TENM2: variants seen among roughly 807,000 people sequenced by gnomAD.
TENM2 encodes teneurin transmembrane protein 2, also known as teneurin-2.
Under a neutral mutation model 245.2 loss-of-function variants are expected in TENM2, and 52 were observed. The observed-to-expected ratio is 0.21, with a 90% confidence interval of 0.17 to 0.27. TENM2 has a LOEUF of 0.27. TENM2 is among the 10% of genes least tolerant of loss of function. The pLI, the probability that TENM2 is intolerant of heterozygous loss-of-function variation, is 1.00. For synonymous variants in TENM2, 1,363 were observed against 1,438.9 expected (o/e 0.95, Z 1.19); for missense variants, 3,046 against 3,666.8 (o/e 0.83, Z 4.37).
intron 9 of TENM2, among the ~76,000 whole-genome samples, chr5:168,101,130 G>C (rs1219316530): frequency 6.6e-6 from 1 of 152,008 alleles, no homozygotes; most frequent in Admixed American, 6.5e-5. Flanking sequence ...GGAGCAAGGA[G>C]AACAGAGAAC....
chr5:167,384,098 A>G (rs986731492), intron 2 of TENM2, among the ~76,000 whole-genome samples: 2 of 152,206 alleles, frequency 1.3e-5, no homozygotes, highest in Non-Finnish European at 2.9e-5. Context: ...ATGTTATAGT[A>G]AAATTTGTAT....
intron 2 of TENM2, among the ~76,000 whole-genome samples, chr5:167,439,269 C>T (rs564030722): frequency 1.3e-5 from 2 of 152,272 alleles, no homozygotes; most frequent in South Asian, 2.1e-4. Context: ...TCATTGGACA[C>T]TGCTCTGGAT....
At chr5:168,108,238 A>G (rs1794408178) in intron 9 of TENM2, among the ~76,000 whole-genome samples, 1 of 152,248 alleles carries the variant, frequency 6.6e-6, no homozygotes, top group African/African-American at 2.4e-5. Context: ...AGAATGAAAG[A>G]AAAGTTTACA....
the TENM2 span, among the ~76,000 whole-genome samples, chr5:167,211,136 T>G: frequency 6.6e-6 from 1 of 152,214 alleles, no homozygotes; most frequent in African/African-American, 2.4e-5. Flanking sequence ...TCACCTGATT[T>G]ATTCTTCAAA....
chr5:167,227,776 C>G, the TENM2 span, among the ~76,000 whole-genome samples: 1 of 152,160 alleles, frequency 6.6e-6, no homozygotes, highest in Admixed American at 6.5e-5. Context: ...TCTGAGCCTG[C>G]TGTATCTGGA....
chr5:166,987,423 GTGT>G, the TENM2 span, among the ~76,000 whole-genome samples: 72 of 39,944 alleles, frequency 1.8e-3, no homozygotes, highest in East Asian at 6.8e-3. Flanking sequence ...TAGTAAGGGT[GTGT>G]GTGTGTGTGT....
chr5:167,807,124 TAAAAAAAAAA>T (rs1178739925), intron 2 of TENM2, among the ~76,000 whole-genome samples: 582 of 49,086 alleles, frequency 0.012, 7 homozygotes, highest in African/African-American at 0.043. Flanking sequence ...GCCCCTAGGT[TAAAAAAAAAA>T]AAAAAAAAAA....
chr5:168,229,049 A>G (rs1764568378), intron 25 of TENM2, among the ~76,000 whole-genome samples: 1 of 148,094 alleles, frequency 6.8e-6, no homozygotes, highest in Non-Finnish European at 1.5e-5. Flanking sequence ...ATATAATTAC[A>G]TATATAATTA....
chr5:167,134,248 A>G, the TENM2 span, among the ~76,000 whole-genome samples: 1 of 152,216 alleles, frequency 6.6e-6, no homozygotes, highest in Non-Finnish European at 1.5e-5. Flanking sequence ...TGAAACTTAA[A>G]AAGAAACTGT....
At chr5:168,115,642 C>T (rs1581354703) in intron 9 of TENM2, among the ~76,000 whole-genome samples, 1 of 152,098 alleles carries the variant, frequency 6.6e-6, no homozygotes, top group Admixed American at 6.5e-5. Context: ...CCCTTGGAAG[C>T]TCATTTAAAT....
intron 2 of TENM2, among the ~76,000 whole-genome samples, chr5:167,385,332 T>C (rs1761352356): frequency 1.3e-5 from 2 of 151,796 alleles, no homozygotes; most frequent in Non-Finnish European, 2.9e-5. Flanking sequence ...TCTTTTATAT[T>C]TTTATCTCTC....
chr5:167,056,331 CA>C, the TENM2 span, among the ~76,000 whole-genome samples: 28 of 151,068 alleles, frequency 1.9e-4, no homozygotes, highest in African/African-American at 4.9e-4. Context: ...CACAGGGTAC[CA>C]AATTCTCAGG....
chr5:168,158,349 A>G (rs1757376141), intron 12 of TENM2, among the ~76,000 whole-genome samples: 1 of 152,104 alleles, frequency 6.6e-6, no homozygotes, highest in South Asian at 2.1e-4. Context: ...TGATTCTCAG[A>G]AGAGTTTATA....
At chr5:168,047,479 C>G in exon 6 of TENM2, 1 of 1,551,700 alleles carries the variant, frequency 6.4e-7, no homozygotes, top group Non-Finnish European at 8.7e-7. Flanking sequence ...ATGGGCACAC[C>G]TTTAACAATG....
intron 4 of TENM2, among the ~76,000 whole-genome samples, chr5:167,980,735 C>T (rs1275794492): frequency 6.6e-6 from 1 of 152,082 alleles, no homozygotes; most frequent in Non-Finnish European, 1.5e-5. Context: ...AGAGGGAGAC[C>T]TCTTTAAAGA....
At chr5:167,957,924 G>A (rs1780689551) in intron 4 of TENM2, among the ~76,000 whole-genome samples, 1 of 152,226 alleles carries the variant, frequency 6.6e-6, no homozygotes, top group Non-Finnish European at 1.5e-5. Context: ...TAAGTGTGAT[G>A]TGGTACTGAG....
rs55977607 is a variant in TENM2, at chr5:168,155,892, T to TA, written c.2423-6687dup. On this transcript the variant is annotated intron_variant, in intron 12 of 28. Coordinates refer to ENST00000518659, the Ensembl canonical transcript of TENM2. ...TTCCATTTAATACCTCTGGCATCTG[T>TA]AAAAAAAAAAAAAAAAAAAAAAAAA... 4.6e-3 allele frequency among the ~76,000 whole-genome samples: 444 copies of TA among 96,886 alleles called. 5 individuals are homozygous for TA. The highest frequency in any genetic ancestry group is 8.0e-3 in the African/African-American group (221 of 27,608). 63.6% of individuals were successfully genotyped at this position (96,886 alleles called of 152,430 possible). A position where few individuals can be genotyped will look rare whatever the true frequency, so the allele number is the denominator to read the frequency against.
chr5:168,161,379 G>A (rs1046474059), intron 12 of TENM2, among the ~76,000 whole-genome samples: 3 of 152,110 alleles, frequency 2.0e-5, no homozygotes, highest in African/African-American at 7.2e-5. Context: ...GTAAATTAAT[G>A]GTCACTGGGG....
chr5:166,980,413 C>G, the TENM2 span, among the ~76,000 whole-genome samples: 1 of 152,128 alleles, frequency 6.6e-6, no homozygotes, highest in Non-Finnish European at 1.5e-5. Context: ...GCAAATTGAA[C>G]TCTAACTCTT....
Sources: gnomAD v4.1 joint callset for allele counts (sites outside exome capture counted in the v4.1 genomes callset) on GRCh38, gnomAD v4.1.1 for gene constraint, MANE v1.5 for transcripts, NCBI Gene and HGNC (gene_info 2026-07-23, HGNC 2026-07-21) for gene names.